The following ENOX1 variants were observed in gnomAD, a reference collection of about 807,000 sequenced individuals.
ENOX1 encodes candidate growth-related and time keeping constitutive hydroquinone (NADH) oxidase.
A neutral mutation model predicts 82.5 loss-of-function variants in ENOX1; 42 were observed. The ratio of observed to expected loss-of-function variants is 0.51; its 90% CI spans 0.40 to 0.66. The LOEUF (loss-of-function observed/expected upper bound fraction) is 0.66, where lower values mean the gene tolerates loss of function less well. Among genes scored for constraint, ENOX1 ranks in the 30% least tolerant of loss-of-function variants. The pLI is 0.00. For synonymous variants in ENOX1, 271 were observed against 282.2 expected (o/e 0.96, Z 0.40); for missense variants, 608 against 811.6 (o/e 0.75, Z 3.05).
intron 3 of ENOX1, among the ~76,000 whole-genome samples, chr13:43,440,955 C>T (rs954705248): frequency 1.1e-4 from 16 of 152,266 alleles, no homozygotes; most frequent in African/African-American, 3.4e-4. Flanking sequence ...GTTACACCAC[C>T]TCTGTGGTAT....
chr13:43,574,083 G>A (rs2080305082), intron 2 of ENOX1, among the ~76,000 whole-genome samples: 1 of 152,142 alleles, frequency 6.6e-6, no homozygotes, highest in Admixed American at 6.5e-5. Flanking sequence ...GACTAGAACA[G>A]AAAATGAAAC....
intron 5 of ENOX1, among the ~76,000 whole-genome samples, chr13:43,407,979 G>A (rs1471159652): frequency 6.6e-6 from 1 of 152,214 alleles, no homozygotes. Flanking sequence ...TTGGAGTATG[G>A]GATTTAGGAT....
chr13:43,435,532 G>C (rs370991120), intron 3 of ENOX1, among the ~76,000 whole-genome samples: 8 of 152,284 alleles, frequency 5.3e-5, no homozygotes, highest in African/African-American at 1.9e-4. Context: ...ACACAATGGT[G>C]CCTGGGTCTT....
Position 43,214,090 on chromosome 13 carries a change from A to G in ENOX1, c.1832T>C (p.Met611Thr). 1 of 1,613,354 alleles carries G rather than the reference A, an allele frequency of 6.2e-7. No individual in the cohort carries two copies. The highest frequency in any genetic ancestry group is 1.1e-5 in the South Asian group (1 of 90,908). The change falls in exon 17 of 17, where the codon ATG (methionine) becomes ACG (threonine). Residue 611 changes from methionine to threonine, a missense_variant. Met to Thr is a moderately conservative substitution (Grantham distance 81, BLOSUM62 -1). Transcript: ENST00000690772. Reference sequence around the variant, plus strand: ...CTGTTTGAACATGCGTGGCAGCCTCATCAAAAGCATTTCTATTTCATTTGC... The same window carrying G: ...CTGTTTGAACATGCGTGGCAGCCTCGTCAAAAGCATTTCTATTTCATTTGC... ...ISANEIEMLL[M>T]RLPRMFKQEF...
chr13:43,674,541 G>C (rs1324654642), intron 1 of ENOX1, among the ~76,000 whole-genome samples: 2 of 152,068 alleles, frequency 1.3e-5, no homozygotes, highest in Non-Finnish European at 2.9e-5. Context: ...TCAAACTATG[G>C]AGACAGTGAA....
At chr13:43,309,929 C>T (rs542401431) in intron 11 of ENOX1, among the ~76,000 whole-genome samples, 5 of 152,202 alleles carry the variant, frequency 3.3e-5, no homozygotes, top group Admixed American at 2.0e-4. Flanking sequence ...TGCAACTGGG[C>T]GTGGTGGCTC....
intron 12 of ENOX1, among the ~76,000 whole-genome samples, chr13:43,283,739 C>G (rs1039313556): frequency 5.9e-5 from 9 of 151,762 alleles, no homozygotes; most frequent in African/African-American, 2.2e-4. Flanking sequence ...GTGTTAGCAA[C>G]TGTACCTGGC....
intron 2 of ENOX1, among the ~76,000 whole-genome samples, chr13:43,638,707 G>A (rs1252117674): frequency 1.3e-5 from 2 of 152,262 alleles, no homozygotes; most frequent in East Asian, 3.9e-4. Flanking sequence ...AATTGTGTGT[G>A]TTAATGCATG....
rs950284613 is a variant in ENOX1, at chr13:43,667,488, G to A, written c.-228C>T. On this transcript the variant is annotated 5_prime_UTR_variant, in exon 2 of 17. Transcript: ENST00000690772. Reference sequence around the variant, plus strand: ...CATACCATCCCTTTACCTGAGCATGGTGAGCTCTCTCTCCTCCACATATTA... The same window carrying A: ...CATACCATCCCTTTACCTGAGCATGATGAGCTCTCTCTCCTCCACATATTA... 12 of 985,462 alleles carry A rather than the reference G, an allele frequency of 1.2e-5. No individual in the cohort carries two copies. The highest frequency in any genetic ancestry group is 1.7e-5 in the African/African-American group (1 of 57,330). 61.0% of individuals were successfully genotyped at this position (985,462 alleles called of 1,614,324 possible).
Position 43,317,478 on chromosome 13 carries a change from G to GA in ENOX1, c.1261+4905dup, listed in dbSNP as rs999857914. ...CTACCACCCAGAAAATACTTAATCA[G>GA]AAAAAATAGGTTGTCCTGCTATTCA... On this transcript the variant is annotated intron_variant, in intron 11 of 16. Transcript: ENST00000690772. Among the ~76,000 whole-genome samples, 151 of 151,854 alleles carry GA rather than the reference G, an allele frequency of 9.9e-4. 1 individual carries two copies. The highest frequency in any genetic ancestry group is 3.5e-3 in the African/African-American group (147 of 41,472).
At chr13:43,684,510 T>C (rs897734810) in intron 1 of ENOX1, among the ~76,000 whole-genome samples, 5 of 152,198 alleles carry the variant, frequency 3.3e-5, no homozygotes, top group Non-Finnish European at 4.4e-5. Context: ...TGAGTGGCCA[T>C]GAAGGGTGAT....
In ENOX1 at chr13:43,754,060, A is replaced by ACATATATACG. The variant is rs1458753848; in HGVS notation, c.-285+32591_-285+32592insCGTATATATG. On this transcript the variant is annotated intron_variant, in intron 1 of 16. Transcript: ENST00000690772. Reference sequence around the variant, plus strand: ...TGTATATAAATACACATATATATACATATATACGTATATAAATACACATAT... The same window carrying ACATATATACG: ...TGTATATAAATACACATATATATACACATATATACGTATATACGTATATAAATACACATAT... Among the ~76,000 whole-genome samples, 1,172 of 142,608 alleles carry ACATATATACG rather than the reference A, an allele frequency of 8.2e-3. 49 individuals are homozygous for ACATATATACG. Among genetic ancestry groups the ACATATATACG allele is most frequent in the African/African-American group, 0.024 (877 of 36,698 alleles). 93.6% of individuals were successfully genotyped at this position (142,608 alleles called of 152,430 possible).
intron 1 of ENOX1, among the ~76,000 whole-genome samples, chr13:43,759,980 T>C (rs1950874630): frequency 6.6e-6 from 1 of 152,154 alleles, no homozygotes; most frequent in Admixed American, 6.5e-5. Flanking sequence ...GAGAAGAAAA[T>C]AACTGCTTCA....
chr13:43,328,180 T>G (rs2048223369), intron 9 of ENOX1, among the ~76,000 whole-genome samples: 1 of 152,162 alleles, frequency 6.6e-6, no homozygotes, highest in African/African-American at 2.4e-5. Context: ...TGATCCTTAG[T>G]GCTCTGGTTG....
chr13:43,364,452 T>G (rs73469625), intron 5 of ENOX1, among the ~76,000 whole-genome samples: 5,687 of 152,140 alleles, frequency 0.037, 380 homozygotes, highest in African/African-American at 0.13. Context: ...CCTGTCTGGC[T>G]CCTCTCTGTG....
chr13:43,279,782 T>C (rs186491144), intron 12 of ENOX1, among the ~76,000 whole-genome samples: 96 of 152,340 alleles, frequency 6.3e-4, no homozygotes, highest in African/African-American at 2.2e-3. Context: ...TTAAGTCATA[T>C]GAGTGGGCAG....
At position 43,467,526 on chromosome 13, in the gene ENOX1, T is replaced by TTTTAAAATTTTAAAATTTAAAATTTTA. The variant is rs1555288423; in HGVS notation, c.-75+16482_-75+16483insTAAAATTTTAAATTTTAAAATTTTAAA. Among the ~76,000 whole-genome samples, 8 of 148,120 alleles carry TTTTAAAATTTTAAAATTTAAAATTTTA rather than the reference T, an allele frequency of 5.4e-5. No individual in the cohort carries two copies. The South Asian group carries it at 8.3e-4, about 15-fold the overall frequency. ...ATGTTATTTTAAAATTTTAAAATTT[T>TTTTAAAATTTTAAAATTTAAAATTTTA]AAATTTTAAAATTTCTTTATATATC... On this transcript the variant is annotated intron_variant, in intron 3 of 16. Coordinates refer to ENST00000690772, the MANE Select transcript of ENOX1 (RefSeq NM_001347969.2).
At chr13:43,645,442 A>G (rs768231110) in intron 2 of ENOX1, among the ~76,000 whole-genome samples, 67 of 151,600 alleles carry the variant, frequency 4.4e-4, no homozygotes, top group Non-Finnish European at 8.8e-4. Context: ...TACAGGCATG[A>G]GCCACTGTGC....
At chr13:43,271,236 A>G (rs1311811721) in intron 12 of ENOX1, among the ~76,000 whole-genome samples, 1 of 152,218 alleles carries the variant, frequency 6.6e-6, no homozygotes, top group Admixed American at 6.5e-5. Flanking sequence ...GATGTCCAGA[A>G]GAAGGGAGGT....
Sources: allele counts gnomAD v4.1 joint callset (sites outside exome capture counted in the v4.1 genomes callset), GRCh38; gene constraint gnomAD v4.1.1; transcripts MANE v1.5; gene names NCBI Gene and HGNC (gene_info 2026-07-23, HGNC 2026-07-21).